NMNAT3: variants seen among roughly 807,000 people sequenced by gnomAD.
The protein encoded by NMNAT3 is nicotinamide/nicotinic acid mononucleotide adenylyltransferase 3.
NMNAT3 carries 21 observed loss-of-function variants against 24.8 expected under a neutral mutation model. The observed-to-expected ratio is 0.85, with a 90% CI of 0.60 to 1.22. The LOEUF is 1.22. NMNAT3 is among the 50% of genes most tolerant of loss of function. The pLI is 0.00. For missense variants in NMNAT3, 387 were observed against 436.6 expected (o/e 0.89, Z 1.01); for synonymous variants, 136 against 155.2 (o/e 0.88, Z 0.92).
chr3:139,631,123 TC>T (rs1478205789), intron 2 of NMNAT3, among the ~76,000 whole-genome samples: 1 of 152,168 alleles, frequency 6.6e-6, no homozygotes, highest in Non-Finnish European at 1.5e-5. Context: ...TGCCTCTCTT[TC>T]TTTTTTTGCT....
At chr3:139,599,397 C>T (rs575526450) in intron 3 of NMNAT3, 2 of 702,430 alleles carry the variant, frequency 2.8e-6, no homozygotes, top group East Asian at 2.7e-5. Context: ...ACACTTTTGC[C>T]CATTTTCTTC....
chr3:139,611,055 A>T (rs2055189697), intron 3 of NMNAT3, among the ~76,000 whole-genome samples: 1 of 152,144 alleles, frequency 6.6e-6, no homozygotes, highest in Admixed American at 6.5e-5. Context: ...GGTGGTGTTA[A>T]GAAAAGGACA....
chr3:139,578,034 A>C (rs1217941281), intron 5 of NMNAT3, among the ~76,000 whole-genome samples: 1 of 152,204 alleles, frequency 6.6e-6, no homozygotes, highest in African/African-American at 2.4e-5. Context: ...TAGTGGTTCT[A>C]AATAGACAAA....
intron 3 of NMNAT3, among the ~76,000 whole-genome samples, chr3:139,613,184 AGAGT>A (rs1416491660): frequency 2.6e-5 from 4 of 152,232 alleles, no homozygotes; most frequent in Non-Finnish European, 5.9e-5. Context: ...AACTACCATC[AGAGT>A]GAACGGGCAA....
chr3:139,595,718 C>G (rs1273187387), intron 3 of NMNAT3, among the ~76,000 whole-genome samples: 1 of 129,604 alleles, frequency 7.7e-6, no homozygotes, highest in African/African-American at 3.5e-5. Context: ...GGAAAGGATT[C>G]CCTATTTAAT....
At chr3:139,663,456 C>T (rs186209145) in intron 1 of NMNAT3, among the ~76,000 whole-genome samples, 94 of 152,310 alleles carry the variant, frequency 6.2e-4, no homozygotes, top group African/African-American at 2.1e-3. Context: ...CATTATTCTG[C>T]CTGTCTCAAG....
chr3:139,583,735 A>T, intron 3 of NMNAT3: 1 of 635,164 alleles, frequency 1.6e-6, no homozygotes, highest in East Asian at 2.7e-5. Context: ...GGATTGAGAG[A>T]CATTCTTCAT....
chr3:139,601,167 C>T (rs2054697989), intron 3 of NMNAT3, among the ~76,000 whole-genome samples: 1 of 152,126 alleles, frequency 6.6e-6, no homozygotes, highest in African/African-American at 2.4e-5. Flanking sequence ...CACTGGACAT[C>T]CTCCATGTGT....
chr3:139,632,202 C>T (rs2056328571), intron 2 of NMNAT3, among the ~76,000 whole-genome samples: 1 of 152,144 alleles, frequency 6.6e-6, no homozygotes, highest in South Asian at 2.1e-4. Context: ...ATGTCTACCT[C>T]CTCTCTTTGG....
At chr3:139,639,636 T>A (rs990428024) in intron 1 of NMNAT3, among the ~76,000 whole-genome samples, 1 of 152,208 alleles carries the variant, frequency 6.6e-6, no homozygotes, top group Non-Finnish European at 1.5e-5. Flanking sequence ...CCTGTGGGAA[T>A]TGTAGCTCAG....
At chr3:139,591,897 T>G (rs2054206299) in intron 3 of NMNAT3, among the ~76,000 whole-genome samples, 1 of 152,142 alleles carries the variant, frequency 6.6e-6, no homozygotes, top group Non-Finnish European at 1.5e-5. Context: ...CTGGAAACTC[T>G]AAAAATCAGA....
At chr3:139,667,929 A>T (rs1180747402) in intron 1 of NMNAT3, among the ~76,000 whole-genome samples, 1 of 152,244 alleles carries the variant, frequency 6.6e-6, no homozygotes, top group Non-Finnish European at 1.5e-5. Context: ...CCACATGAGA[A>T]AGCATTCAAC....
chr3:139,601,914 C>T (rs2054734521), intron 3 of NMNAT3, among the ~76,000 whole-genome samples: 1 of 152,164 alleles, frequency 6.6e-6, no homozygotes, highest in Admixed American at 6.5e-5. Context: ...TTAATCAAAT[C>T]AATTCTTTTC....
intron 3 of NMNAT3, among the ~76,000 whole-genome samples, chr3:139,592,849 C>G (rs924202337): frequency 6.6e-6 from 1 of 152,182 alleles, no homozygotes; most frequent in Non-Finnish European, 1.5e-5. Context: ...CAACGGGTAC[C>G]AGCCACTGCA....
At chr3:139,607,803 G>A (rs189691667) in intron 3 of NMNAT3, among the ~76,000 whole-genome samples, 12 of 152,076 alleles carry the variant, frequency 7.9e-5, no homozygotes, top group Non-Finnish European at 7.4e-5. Flanking sequence ...CCATCTACCC[G>A]TTGTAAGCCA....
intron 4 of NMNAT3, among the ~76,000 whole-genome samples, chr3:139,582,639 CAAAAAAAAAA>C (rs58495559): frequency 8.7e-5 from 5 of 57,488 alleles, no homozygotes; most frequent in African/African-American, 3.2e-4. Flanking sequence ...GGGACTGTCT[CAAAAAAAAAA>C]AAAAAAAAAA....
At chr3:139,572,378 A>C in intron 6 of NMNAT3, 1 of 392,656 alleles carries the variant, frequency 2.5e-6, no homozygotes, top group South Asian at 1.4e-4. Context: ...TACAATAAAC[A>C]TTATATAAGA....
rs1936235806 is a variant in NMNAT3, at chr3:139,560,352, G to A, written c.*658C>T. The A allele has an allele frequency of 6.6e-6, 1 of 152,616 alleles. No homozygotes were observed. Among genetic ancestry groups the A allele is most frequent in the African/African-American group, 2.4e-5 (1 of 41,452 alleles). 9.5% of individuals were successfully genotyped at this position (152,616 alleles called of 1,614,324 possible). A position where few individuals can be genotyped will look rare whatever the true frequency, so the allele number is the denominator to read the frequency against. On this transcript the variant is annotated 3_prime_UTR_variant, in exon 7 of 7. Coordinates refer to ENST00000643695, the MANE Select transcript of NMNAT3 (RefSeq NM_001320510.2). Reference sequence around the variant, plus strand: ...CAGGAGCCCCGGCTTTTATGCTATAGCAAGTTTGACACTTGCTGTATCAAA... The same window carrying A: ...CAGGAGCCCCGGCTTTTATGCTATAACAAGTTTGACACTTGCTGTATCAAA...
In NMNAT3 at chr3:139,665,270, T is replaced by A. The variant is rs539234738; in HGVS notation, c.-141+12435A>T. On this transcript the variant is annotated intron_variant, in intron 1 of 6. Coordinates refer to ENST00000643695, the MANE Select transcript of NMNAT3 (RefSeq NM_001320510.2). ...AACCACACAGGCCTTAAGTGGTACC[T>A]GCCACTAAGAAATGCAGTTACAGAT... 2.4e-4 allele frequency among the ~76,000 whole-genome samples: 37 copies of A among 152,318 alleles called. No homozygotes were observed. In the East Asian group the frequency reaches 6.6e-3, roughly 27 times the overall value.
Sources: allele counts gnomAD v4.1 joint callset (sites outside exome capture counted in the v4.1 genomes callset), GRCh38; gene constraint gnomAD v4.1.1; transcripts MANE v1.5; gene names NCBI Gene and HGNC (gene_info 2026-07-23, HGNC 2026-07-21).